ADCY2: variants seen among roughly 807,000 people sequenced by gnomAD.
ADCY2 encodes the protein adenylate cyclase type 2.
ADCY2 carries 31 observed loss-of-function variants against 125.2 expected under a neutral mutation model. The observed-to-expected ratio is 0.25, with a 90% CI of 0.19 to 0.33. The LOEUF is 0.33. Ranked by LOEUF, ADCY2 falls within the 10% of genes least tolerant of loss-of-function variation. The pLI, the probability that ADCY2 is intolerant of heterozygous loss-of-function variation, is 1.00. For missense variants in ADCY2, 904 were observed against 1,418.2 expected, an observed-to-expected ratio of 0.64 and a Z score of 5.82; for synonymous variants, 512 against 548.4, an observed-to-expected ratio of 0.93 and a Z score of 0.93.
chr5:7,826,470 G>A (rs1322980392), intron 24 of ADCY2: 14 of 592,914 alleles, frequency 2.4e-5, no homozygotes, highest in African/African-American at 5.5e-5. Flanking sequence ...TGGTAGCACC[G>A]TAGTTTACTG....
chr5:7,760,911 C>T (rs1469886722), intron 16 of ADCY2, among the ~76,000 whole-genome samples: 1 of 152,132 alleles, frequency 6.6e-6, no homozygotes, highest in Non-Finnish European at 1.5e-5. Context: ...CATTTCCTGG[C>T]CTCCCCAACA....
intron 4 of ADCY2, among the ~76,000 whole-genome samples, chr5:7,646,428 T>G (rs936060283): frequency 1.3e-5 from 2 of 151,994 alleles, no homozygotes; most frequent in African/African-American, 4.8e-5. Context: ...TTCATACAGC[T>G]TTAAAGGAGA....
At chr5:7,748,128 G>A (rs1035137450) in intron 15 of ADCY2, among the ~76,000 whole-genome samples, 1 of 152,120 alleles carries the variant, frequency 6.6e-6, no homozygotes, top group African/African-American at 2.4e-5. Flanking sequence ...GGCCCATATA[G>A]CAGCCCCTTC....
At chr5:7,728,622 A>G (rs956584546) in intron 14 of ADCY2, among the ~76,000 whole-genome samples, 8 of 152,244 alleles carry the variant, frequency 5.3e-5, no homozygotes, top group Non-Finnish European at 1.0e-4. Flanking sequence ...ATCCCAGTAC[A>G]CAGTGGCTTA....
Position 7,690,726 on chromosome 5 carries a change from C to A in ADCY2, c.756C>A (p.Ile252=). The change falls in exon 5 of 25, where the codon ATC becomes ATA. Residue 252 remains isoleucine, a synonymous_variant. Transcript: ENST00000338316. ...RLLLSLLPAH[I]AMEMKAEIIQ... ...TGCTCTCCCTGCTGCCGGCCCACATCGCCATGGAGATGAAAGCGGAGATCA... is the reference window on the plus strand; with the variant it reads ...TGCTCTCCCTGCTGCCGGCCCACATAGCCATGGAGATGAAAGCGGAGATCA... 3 of 1,605,642 alleles carry A rather than the reference C, an allele frequency of 1.9e-6. No homozygotes were observed. Among genetic ancestry groups the A allele is most frequent in the Non-Finnish European group, 2.5e-6 (3 of 1,176,890 alleles).
chr5:7,577,952 C>T (rs962361034), intron 3 of ADCY2, among the ~76,000 whole-genome samples: 3 of 152,112 alleles, frequency 2.0e-5, no homozygotes, highest in African/African-American at 7.2e-5. Flanking sequence ...CTCTTGGCTT[C>T]GTCTTAACCC....
chr5:7,603,534 T>G (rs891412049), intron 3 of ADCY2, among the ~76,000 whole-genome samples: 1 of 152,208 alleles, frequency 6.6e-6, no homozygotes, highest in Non-Finnish European at 1.5e-5. Flanking sequence ...GAATGCTGCT[T>G]AGAATGTGGT....
At chr5:7,461,325 A>T (rs571385770) in intron 2 of ADCY2, among the ~76,000 whole-genome samples, 33 of 152,330 alleles carry the variant, frequency 2.2e-4, no homozygotes, top group African/African-American at 7.7e-4. Context: ...GAAGGGAAGG[A>T]TTAATACTGG....
chr5:7,703,557 G>A (rs1473128046), intron 7 of ADCY2, among the ~76,000 whole-genome samples: 10 of 152,068 alleles, frequency 6.6e-5, no homozygotes, highest in Non-Finnish European at 1.3e-4. Flanking sequence ...TTATTTCTGA[G>A]GGCTCTGTTC....
At chr5:7,785,836 C>T (rs1349493960) in intron 19 of ADCY2, among the ~76,000 whole-genome samples, 5 of 152,120 alleles carry the variant, frequency 3.3e-5, no homozygotes, top group Admixed American at 6.5e-5. Flanking sequence ...TTAAGAAACT[C>T]GTATCAAATT....
intron 24 of ADCY2, among the ~76,000 whole-genome samples, chr5:7,824,141 C>T (rs934914514): frequency 6.6e-5 from 10 of 152,126 alleles, no homozygotes; most frequent in African/African-American, 1.7e-4. Flanking sequence ...AAATAAAAAA[C>T]GATGCCCAGA....
intron 3 of ADCY2, among the ~76,000 whole-genome samples, chr5:7,618,845 T>C (rs912644059): frequency 1.3e-5 from 2 of 152,202 alleles, no homozygotes; most frequent in Non-Finnish European, 2.9e-5. Flanking sequence ...GGAGAGCTGA[T>C]TTAAGACTAG....
chr5:7,700,073 T>A (rs999611784), intron 7 of ADCY2, among the ~76,000 whole-genome samples: 1 of 152,204 alleles, frequency 6.6e-6, no homozygotes, highest in Non-Finnish European at 1.5e-5. Context: ...TTCACACACA[T>A]TGTAAGGGAA....
chr5:7,644,445 C>T (rs1738824590), intron 4 of ADCY2, among the ~76,000 whole-genome samples: 1 of 152,114 alleles, frequency 6.6e-6, no homozygotes, highest in South Asian at 2.1e-4. Flanking sequence ...CACACATTCT[C>T]TAGGACTCTG....
intron 14 of ADCY2, among the ~76,000 whole-genome samples, chr5:7,734,103 G>T (rs142240549): frequency 1.3e-5 from 2 of 152,130 alleles, no homozygotes; most frequent in African/African-American, 4.8e-5. Flanking sequence ...TGCTTCCTTT[G>T]GTTCTTATCA....
At chr5:7,411,244 C>G (rs957867801) in intron 1 of ADCY2, among the ~76,000 whole-genome samples, 4 of 152,164 alleles carry the variant, frequency 2.6e-5, no homozygotes, top group African/African-American at 9.7e-5. Context: ...ACAGGCCTCA[C>G]AAGCAGCAGC....
chr5:7,707,587 C>A (rs1046575537), intron 8 of ADCY2, 119 bp from the exon 9 acceptor site: 2 of 1,166,630 alleles, frequency 1.7e-6, no homozygotes, highest in East Asian at 2.4e-5. Flanking sequence ...ACTTTAATTG[C>A]GGTCAGTGCT....
intron 12 of ADCY2, among the ~76,000 whole-genome samples, chr5:7,719,810 G>A (rs1741703608): frequency 6.6e-6 from 1 of 152,080 alleles, no homozygotes; most frequent in Admixed American, 6.6e-5. Flanking sequence ...GGGAGTTAGG[G>A]CTTCAAAGAT....
intron 4 of ADCY2, 149 bp from the exon 5 acceptor site, chr5:7,690,542 C>T: frequency 1.8e-6 from 1 of 553,566 alleles, no homozygotes; most frequent in Non-Finnish European, 2.9e-6. Flanking sequence ...TTTTTATTCC[C>T]AATATATATT....
Sources: allele counts gnomAD v4.1 joint callset (sites outside exome capture counted in the v4.1 genomes callset), GRCh38; gene constraint gnomAD v4.1.1; transcripts MANE v1.5; gene names NCBI Gene and HGNC (gene_info 2026-07-23, HGNC 2026-07-21).